The following PTPRD variants were observed in gnomAD, a reference collection of about 807,000 sequenced individuals.
PTPRD encodes receptor-type tyrosine-protein phosphatase delta.
Under a neutral mutation model 214.5 loss-of-function variants are expected in PTPRD, and 34 were observed. The observed-to-expected ratio is 0.16, with a 90% CI of 0.12 to 0.21. The LOEUF (loss-of-function observed/expected upper bound fraction) is 0.21. PTPRD is among the 10% of genes least tolerant of loss of function. PTPRD has a pLI of 1.00. For missense variants in PTPRD, 2,545 were observed against 2,398.7 expected, an observed-to-expected ratio of 1.06 and a Z score of -1.27; for synonymous variants, 1,128 against 845.7, an observed-to-expected ratio of 1.33 and a Z score of -5.79.
At chr9:8,454,057 A>G (rs2096075944) in intron 33 of PTPRD, among the ~76,000 whole-genome samples, 1 of 152,202 alleles carries the variant, frequency 6.6e-6, no homozygotes, top group Non-Finnish European at 1.5e-5. Flanking sequence ...AGTGTATTTT[A>G]GCTATTATTA....
Position 9,435,229 on chromosome 9 carries a change from G to A in PTPRD, c.-236-37747C>T, listed in dbSNP as rs1315914545. ...TTTAAACTTTAAAACGCCAGGACCC[G>A]GCTGGTTGCGGTGGCTCACACTTGT... On this transcript the variant is annotated intron_variant, in intron 8 of 45. Coordinates refer to ENST00000381196, the MANE Select transcript of PTPRD (RefSeq NM_002839.4). Among the ~76,000 whole-genome samples the A allele has an allele frequency of 4.6e-5, 7 of 152,084 alleles. No homozygotes were observed. The East Asian group carries it at 7.7e-4, about 17-fold the overall frequency.
chr9:8,726,380 G>GGA (rs1345888909), intron 12 of PTPRD, among the ~76,000 whole-genome samples: 4 of 151,046 alleles, frequency 2.6e-5, no homozygotes, highest in Non-Finnish European at 5.9e-5. Flanking sequence ...CTTGAGCTCA[G>GGA]GAGTTCGAGA....
intron 4 of PTPRD, among the ~76,000 whole-genome samples, chr9:9,986,569 G>A (rs1195793750): frequency 6.6e-6 from 1 of 152,078 alleles, no homozygotes; most frequent in Non-Finnish European, 1.5e-5. Flanking sequence ...CACAGGTGGG[G>A]CAATGAGAGG....
intron 9 of PTPRD, among the ~76,000 whole-genome samples, chr9:9,388,612 T>C (rs1276838642): frequency 6.6e-6 from 1 of 152,130 alleles, no homozygotes; most frequent in Non-Finnish European, 1.5e-5. Flanking sequence ...AGGCTTGTTC[T>C]CATATACAAG....
At chr9:9,180,900 G>C (rs1475439668) in intron 10 of PTPRD, among the ~76,000 whole-genome samples, 1 of 152,046 alleles carries the variant, frequency 6.6e-6, no homozygotes, top group African/African-American at 2.4e-5. Context: ...GGAGAAGTTG[G>C]AACTGAAAAG....
chr9:8,897,113 T>C (rs935788814), intron 11 of PTPRD, among the ~76,000 whole-genome samples: 5 of 152,196 alleles, frequency 3.3e-5, no homozygotes, highest in Admixed American at 2.0e-4. Flanking sequence ...TCTTACAATA[T>C]AGCCATAATA....
At chr9:9,023,298 G>C (rs892834337) in intron 10 of PTPRD, among the ~76,000 whole-genome samples, 5 of 152,056 alleles carry the variant, frequency 3.3e-5, no homozygotes, top group African/African-American at 1.2e-4. Context: ...AATTTTCCAA[G>C]TTGTTACTAA....
In PTPRD at chr9:10,608,976, A is replaced by C. The variant is rs114612901; in HGVS notation, c.-600+3422T>G. ...TAAAGAAATTGCACTTTAATACATA[A>C]GAAGATAAGTTCAAATGGCATTGAA... is the stretch of plus-strand genomic sequence containing the variant. On this transcript the variant is annotated intron_variant, in intron 2 of 45. Coordinates refer to ENST00000381196, the MANE Select transcript of PTPRD (RefSeq NM_002839.4). Among the ~76,000 whole-genome samples, 266 of 152,252 alleles carry C rather than the reference A, an allele frequency of 1.7e-3. 1 individual carries two copies. The highest frequency in any genetic ancestry group is 6.3e-3 in the African/African-American group (260 of 41,570).
intron 30 of PTPRD, among the ~76,000 whole-genome samples, chr9:8,475,423 C>G (rs1329018244): frequency 6.6e-6 from 1 of 152,124 alleles, no homozygotes; most frequent in African/African-American, 2.4e-5. Flanking sequence ...AATGGTGACA[C>G]TCCTCAAGGC....
At chr9:9,242,357 C>T (rs11560546) in intron 9 of PTPRD, among the ~76,000 whole-genome samples, 12,150 of 152,042 alleles carry the variant, frequency 0.08, 717 homozygotes, top group East Asian at 0.29. Context: ...ATCTTTGTGG[C>T]ATTCTCTGTA....
intron 2 of PTPRD, among the ~76,000 whole-genome samples, chr9:10,369,971 T>C (rs1455528499): frequency 6.6e-6 from 1 of 152,066 alleles, no homozygotes; most frequent in African/African-American, 2.4e-5. Context: ...ATACTATACA[T>C]ATATTATTTC....
At chr9:8,454,619 G>T in intron 33 of PTPRD, 1 of 1,611,310 alleles carries the variant, frequency 6.2e-7, no homozygotes. Context: ...AGCAAAAAAA[G>T]GAAAAAGAAA....
At chr9:9,670,343 A>G (rs1203302394) in intron 7 of PTPRD, among the ~76,000 whole-genome samples, 3 of 152,140 alleles carry the variant, frequency 2.0e-5, no homozygotes, top group African/African-American at 7.2e-5. Flanking sequence ...GGGTGCCATT[A>G]AAGGCTTTTA....
chr9:10,535,536 G>A (rs1181082280), intron 2 of PTPRD, among the ~76,000 whole-genome samples: 3 of 152,068 alleles, frequency 2.0e-5, no homozygotes, highest in African/African-American at 7.2e-5. Context: ...ATGGGCATTG[G>A]AAAATGTATA....
At position 10,036,506 on chromosome 9, in the gene PTPRD, GCACA is replaced by G. The variant is rs59938783; in HGVS notation, c.-544-2720_-544-2717del. 6.0e-3 allele frequency among the ~76,000 whole-genome samples: 850 copies of G among 142,020 alleles called. 5 individuals are homozygous for G. The highest frequency in any genetic ancestry group is 0.016 in the African/African-American group (619 of 38,188). The allele number at this position is 142,020 out of a possible 152,430, so 93.2% of individuals were successfully genotyped here. ...GCAAGGCACACATACACACACTCAT[GCACA>G]CACACACACACACACACACACACAA... On this transcript the variant is annotated intron_variant, in intron 3 of 45. Transcript: ENST00000381196.
intron 12 of PTPRD, among the ~76,000 whole-genome samples, chr9:8,655,659 T>C (rs1019451342): frequency 1.3e-5 from 2 of 152,054 alleles, no homozygotes; most frequent in Non-Finnish European, 2.9e-5. Flanking sequence ...CCCCTGGAAA[T>C]GCCACATATA....
At chr9:9,219,992 A>G (rs1263703906) in intron 9 of PTPRD, among the ~76,000 whole-genome samples, 1 of 152,180 alleles carries the variant, frequency 6.6e-6, no homozygotes, top group Non-Finnish European at 1.5e-5. Context: ...ATACAAACTC[A>G]TATTGAAATA....
chr9:9,758,735 C>T (rs1451264363), intron 6 of PTPRD, among the ~76,000 whole-genome samples: 2 of 150,714 alleles, frequency 1.3e-5, no homozygotes, highest in African/African-American at 2.4e-5. Context: ...TCCCTCATCG[C>T]CACCCACCCC....
At chr9:9,001,054 A>G (rs1244446106) in intron 11 of PTPRD, among the ~76,000 whole-genome samples, 1 of 152,000 alleles carries the variant, frequency 6.6e-6, no homozygotes, top group Non-Finnish European at 1.5e-5. Flanking sequence ...CCCTTTGCTA[A>G]TACTCTCTCA....
Sources: allele counts gnomAD v4.1 joint callset (sites outside exome capture counted in the v4.1 genomes callset), GRCh38; gene constraint gnomAD v4.1.1; transcripts MANE v1.5; gene names NCBI Gene and HGNC (gene_info 2026-07-23, HGNC 2026-07-21).